Variants in IMMP2L observed in about 807,000 individuals in gnomAD.
IMMP2L encodes the protein mitochondrial inner membrane protease subunit 2.
In IMMP2L, 18 loss-of-function variants were observed where a neutral mutation model predicts 19.3. The ratio of observed to expected loss-of-function variants is 0.93; its 90% CI spans 0.64 to 1.38. The LOEUF (loss-of-function observed/expected upper bound fraction) is 1.38. Among genes scored for constraint, IMMP2L ranks in the 40% most tolerant of loss-of-function variants. The pLI is 0.00. For synonymous variants in IMMP2L, 76 were observed against 73.0 expected, an observed-to-expected ratio of 1.04 and a Z score of -0.21; for missense variants, 233 against 218.2, an observed-to-expected ratio of 1.07 and a Z score of -0.43.
chr7:111,044,108 C>G (rs1006751487), intron 3 of IMMP2L, among the ~76,000 whole-genome samples: 2 of 152,150 alleles, frequency 1.3e-5, no homozygotes, highest in Non-Finnish European at 2.9e-5. Flanking sequence ...TTAACTGTTC[C>G]CTGAATGCCT....
intron 1 of IMMP2L, among the ~76,000 whole-genome samples, chr7:111,553,222 T>A (rs1310264235): frequency 6.6e-6 from 1 of 152,182 alleles, no homozygotes. Context: ...CATATAGGAA[T>A]GAGTAGAGAA....
At chr7:110,988,804 T>G (rs1236224875) in intron 3 of IMMP2L, among the ~76,000 whole-genome samples, 1 of 152,180 alleles carries the variant, frequency 6.6e-6, no homozygotes, top group East Asian at 1.9e-4. Context: ...CATGATGTTG[T>G]AGAATAATAT....
At chr7:110,695,312 C>T (rs933649327) in intron 5 of IMMP2L, among the ~76,000 whole-genome samples, 1 of 152,046 alleles carries the variant, frequency 6.6e-6, no homozygotes, top group Non-Finnish European at 1.5e-5. Context: ...CCGCCTTAGC[C>T]TCCCAAGTGG....
intron 3 of IMMP2L, among the ~76,000 whole-genome samples, chr7:111,324,300 G>A (rs1355886953): frequency 6.6e-6 from 1 of 151,834 alleles, no homozygotes; most frequent in Non-Finnish European, 1.5e-5. Context: ...TGAACTGAAA[G>A]AGAAAATGAA....
intron 1 of IMMP2L, among the ~76,000 whole-genome samples, chr7:111,553,379 T>C (rs1182769655): frequency 6.6e-6 from 1 of 152,026 alleles, no homozygotes; most frequent in African/African-American, 2.4e-5. Flanking sequence ...TCAAGCTTCC[T>C]ACAGTACAGA....
At chr7:111,233,146 T>A (rs1016506681) in intron 3 of IMMP2L, among the ~76,000 whole-genome samples, 2 of 152,190 alleles carry the variant, frequency 1.3e-5, no homozygotes, top group Non-Finnish European at 2.9e-5. Flanking sequence ...CTTTATCCAA[T>A]GAACGTAGAT....
intron 1 of IMMP2L, among the ~76,000 whole-genome samples, chr7:111,548,579 T>C (rs1849156376): frequency 6.6e-6 from 1 of 152,178 alleles, no homozygotes; most frequent in African/African-American, 2.4e-5. Flanking sequence ...TAACAGGAGA[T>C]GACAATTACA....
intron 5 of IMMP2L, among the ~76,000 whole-genome samples, chr7:110,867,423 T>C (rs1456543927): frequency 1.3e-5 from 2 of 152,018 alleles, no homozygotes; most frequent in Non-Finnish European, 2.9e-5. Flanking sequence ...CATAATTCAG[T>C]GCATAGCAGT....
intron 5 of IMMP2L, among the ~76,000 whole-genome samples, chr7:110,857,396 C>A (rs111528545): frequency 1.3e-5 from 2 of 152,054 alleles, no homozygotes; most frequent in Non-Finnish European, 2.9e-5. Flanking sequence ...ACCTGCCCTG[C>A]AGGCTGTCTT....
At chr7:110,813,818 T>C (rs1298675331) in intron 5 of IMMP2L, among the ~76,000 whole-genome samples, 1 of 151,854 alleles carries the variant, frequency 6.6e-6, no homozygotes, top group Non-Finnish European at 1.5e-5. Flanking sequence ...ACTAAAGTAG[T>C]TCCATCACCC....
chr7:111,390,062 G>C, intron 3 of IMMP2L, among the ~76,000 whole-genome samples: 1 of 152,134 alleles, frequency 6.6e-6, no homozygotes, highest in East Asian at 1.9e-4. Context: ...ACAACAGTAT[G>C]CATCACCCAG....
intron 5 of IMMP2L, among the ~76,000 whole-genome samples, chr7:110,681,349 T>A (rs1792701514): frequency 6.6e-6 from 1 of 152,130 alleles, no homozygotes; most frequent in Non-Finnish European, 1.5e-5. Flanking sequence ...ATCCATGCTT[T>A]CTACACCTGC....
At chr7:111,274,036 A>C (rs1818757343) in intron 3 of IMMP2L, among the ~76,000 whole-genome samples, 1 of 152,150 alleles carries the variant, frequency 6.6e-6, no homozygotes, top group Non-Finnish European at 1.5e-5. Context: ...GTGCTTCCCT[A>C]ACCTATTCTT....
chr7:111,336,232 T>C (rs1826396063), intron 3 of IMMP2L, among the ~76,000 whole-genome samples: 1 of 151,452 alleles, frequency 6.6e-6, no homozygotes, highest in Non-Finnish European at 1.5e-5. Flanking sequence ...TTTTAAGTTT[T>C]TTGTAGAGAC....
chr7:111,238,458 G>T (rs1167425287), intron 3 of IMMP2L, among the ~76,000 whole-genome samples: 1 of 151,930 alleles, frequency 6.6e-6, no homozygotes, highest in Non-Finnish European at 1.5e-5. Context: ...CTCACTAACT[G>T]TTAATATTAT....
chr7:111,069,624 A>G (rs1037311770), intron 3 of IMMP2L, among the ~76,000 whole-genome samples: 1 of 152,168 alleles, frequency 6.6e-6, no homozygotes, highest in Non-Finnish European at 1.5e-5. Flanking sequence ...ATAGATATAC[A>G]TGTAGATACA....
At chr7:111,495,740 A>G (rs1055021111) in intron 2 of IMMP2L, among the ~76,000 whole-genome samples, 6 of 152,154 alleles carry the variant, frequency 3.9e-5, no homozygotes, top group Non-Finnish European at 8.8e-5. Context: ...TTTTTTATTC[A>G]TTTTTTAATT....
chr7:110,674,896 C>T (rs865963096), intron 5 of IMMP2L, among the ~76,000 whole-genome samples: 4 of 152,090 alleles, frequency 2.6e-5, no homozygotes, highest in Non-Finnish European at 5.9e-5. Flanking sequence ...TTGTAATCCT[C>T]TTCCTTAGAT....
At chr7:110,835,992 G>C (rs1804427155) in intron 5 of IMMP2L, among the ~76,000 whole-genome samples, 1 of 152,046 alleles carries the variant, frequency 6.6e-6, no homozygotes, top group Non-Finnish European at 1.5e-5. Context: ...ACTGTCATTT[G>C]TAGCTAGAAG....
Sources: allele counts gnomAD v4.1 joint callset (sites outside exome capture counted in the v4.1 genomes callset), GRCh38; gene constraint gnomAD v4.1.1; transcripts MANE v1.5; gene names NCBI Gene and HGNC (gene_info 2026-07-23, HGNC 2026-07-21).